The following RAD51B variants were observed in gnomAD, a reference collection of about 807,000 sequenced individuals.
RAD51B encodes the protein DNA repair protein RAD51 homolog 2.
A neutral mutation model predicts 42.2 loss-of-function variants in RAD51B; 38 were observed. The observed-to-expected ratio is 0.90, with a 90% CI of 0.70 to 1.18. The LOEUF (loss-of-function observed/expected upper bound fraction) is 1.18, where lower values mean the gene tolerates loss of function less well. Among genes scored for constraint, RAD51B ranks in the 50% most tolerant of loss-of-function variants. RAD51B has a pLI of 0.00. For synonymous variants in RAD51B, 154 were observed against 145.2 expected (o/e 1.06, Z -0.43); for missense variants, 373 against 400.7 (o/e 0.93, Z 0.59).
At chr14:68,225,158 G>A (rs2080011766) in intron 7 of RAD51B, among the ~76,000 whole-genome samples, 1 of 152,058 alleles carries the variant, frequency 6.6e-6, no homozygotes, top group African/African-American at 2.4e-5. Context: ...ACACTGTAGG[G>A]ACAATATATG....
chr14:68,380,636 A>C (rs2083460913), intron 8 of RAD51B, among the ~76,000 whole-genome samples: 1 of 152,118 alleles, frequency 6.6e-6, no homozygotes, highest in Non-Finnish European at 1.5e-5. Flanking sequence ...AAAACAGAAA[A>C]ATGCCAAGTC....
intron 10 of RAD51B, among the ~76,000 whole-genome samples, chr14:68,492,276 G>A (rs1242625864): frequency 3.9e-5 from 6 of 152,130 alleles, no homozygotes; most frequent in African/African-American, 1.4e-4. Context: ...AGTACTTATC[G>A]CTATACAAGG....
chr14:68,651,230 G>GGAGC (rs1233263178), intron 11 of RAD51B, among the ~76,000 whole-genome samples: 1 of 152,174 alleles, frequency 6.6e-6, no homozygotes, highest in Non-Finnish European at 1.5e-5. Context: ...GGAGTGCAAT[G>GGAGC]GAGCAATCAT....
intron 10 of RAD51B, among the ~76,000 whole-genome samples, chr14:68,610,273 G>A (rs1051129431): frequency 3.3e-5 from 5 of 152,076 alleles, no homozygotes; most frequent in South Asian, 2.1e-4. Flanking sequence ...GTCAGCCTCC[G>A]GATGCCTGAA....
At chr14:68,530,452 A>G (rs1381490940) in intron 10 of RAD51B, among the ~76,000 whole-genome samples, 62 of 144,658 alleles carry the variant, frequency 4.3e-4, no homozygotes, top group African/African-American at 1.6e-3. Context: ...GTCTCAAAAA[A>G]AAAAAAAAAA....
intron 7 of RAD51B, among the ~76,000 whole-genome samples, chr14:68,235,992 AGAGCTAAACATT>A (rs922312572): frequency 2.1e-4 from 32 of 152,174 alleles, no homozygotes; most frequent in African/African-American, 7.5e-4. Context: ...CTTATAAGTG[AGAGCTAAACATT>A]GAGCTAAACA....
intron 10 of RAD51B, among the ~76,000 whole-genome samples, chr14:68,534,784 T>G (rs114918154): frequency 2.0e-5 from 3 of 151,888 alleles, no homozygotes; most frequent in African/African-American, 7.3e-5. Context: ...AGGGTAGAGA[T>G]CTTTGCCTAT....
intron 10 of RAD51B, among the ~76,000 whole-genome samples, chr14:68,602,356 C>T (rs1259067702): frequency 6.6e-6 from 1 of 152,082 alleles, no homozygotes; most frequent in Admixed American, 6.5e-5. Flanking sequence ...AGCTGACCTC[C>T]CTCACCCACT....
chr14:68,509,717 G>C (rs1424946902), intron 10 of RAD51B, among the ~76,000 whole-genome samples: 2 of 152,246 alleles, frequency 1.3e-5, no homozygotes, highest in African/African-American at 4.8e-5. Context: ...TTACTGTAAA[G>C]GGGCAGATAG....
rs1210885039 is a variant in RAD51B, at chr14:68,515,781, T to TC, written c.1036+47531_1036+47532insC. On this transcript the variant is annotated intron_variant, in intron 10 of 10. Transcript: ENST00000487270. ...CTTTCTTTCTTTCTTTTCTTTTCTT[T>TC]TTTTTTTTTTTTTTGAGACAGAGTC... 3.0e-5 allele frequency among the ~76,000 whole-genome samples: 4 copies of TC among 131,648 alleles called. No individual in the cohort carries two copies. In the South Asian group the frequency reaches 6.8e-4, roughly 22 times the overall value. The allele number at this position is 131,648 out of a possible 152,430, so 86.4% of individuals were successfully genotyped here.
At chr14:68,583,284 G>A (rs571640356) in intron 10 of RAD51B, among the ~76,000 whole-genome samples, 3 of 152,148 alleles carry the variant, frequency 2.0e-5, no homozygotes, top group Admixed American at 6.5e-5. Context: ...CTGCCAGGAG[G>A]GGGTGACACT....
chr14:68,220,522 A>T (rs2079903877), intron 7 of RAD51B, among the ~76,000 whole-genome samples: 1 of 152,192 alleles, frequency 6.6e-6, no homozygotes, highest in Admixed American at 6.5e-5. Context: ...CTGAACAGGG[A>T]TAAGTTGAAA....
intron 10 of RAD51B, among the ~76,000 whole-genome samples, chr14:68,538,718 C>A (rs1446378319): frequency 6.6e-6 from 1 of 151,184 alleles, no homozygotes; most frequent in Non-Finnish European, 1.5e-5. Flanking sequence ...TTTCTGATTT[C>A]TCTTTTTTAA....
At chr14:68,109,881 GCAA>G (rs1333720586) in intron 7 of RAD51B, among the ~76,000 whole-genome samples, 1 of 151,858 alleles carries the variant, frequency 6.6e-6, no homozygotes, top group African/African-American at 2.4e-5. Flanking sequence ...GTCAATGCCT[GCAA>G]AATCTTTGGC....
At chr14:68,209,301 C>G (rs1235920344) in intron 7 of RAD51B, among the ~76,000 whole-genome samples, 1 of 152,168 alleles carries the variant, frequency 6.6e-6, no homozygotes, top group Non-Finnish European at 1.5e-5. Context: ...AGGCACCATG[C>G]TAAGTATCCT....
chr14:68,543,039 C>CT (rs1202724115), intron 10 of RAD51B, among the ~76,000 whole-genome samples: 2 of 152,188 alleles, frequency 1.3e-5, no homozygotes, highest in African/African-American at 4.8e-5. Context: ...GTCTGATTCC[C>CT]TTAGAGCAGA....
Position 67,959,688 on chromosome 14 carries a change from A to G in RAD51B, c.756+72484A>G, listed in dbSNP as rs150213355. On this transcript the variant is annotated intron_variant, in intron 7 of 10. Transcript: ENST00000471583. ...TTTACCATGCTGTCTTCTTTCTAGC[A>G]TATCTATATTTTGACAATGAAAATG... Among the ~76,000 whole-genome samples, 952 of 152,340 alleles carry G rather than the reference A, an allele frequency of 6.2e-3. 35 individuals are homozygous for G. The highest frequency in any genetic ancestry group is 0.055 in the Admixed American group (836 of 15,296).
intron 7 of RAD51B, among the ~76,000 whole-genome samples, chr14:67,971,021 A>G (rs1306610766): frequency 6.6e-5 from 10 of 152,206 alleles, no homozygotes. Flanking sequence ...CATAAAAGCT[A>G]TTAAAGATTA....
intron 7 of RAD51B, among the ~76,000 whole-genome samples, chr14:67,968,904 T>C (rs2074839489): frequency 6.6e-6 from 1 of 152,184 alleles, no homozygotes; most frequent in South Asian, 2.1e-4. Flanking sequence ...GATAAAGACA[T>C]ACCTGAGACT....
Sources: gnomAD v4.1 joint callset for allele counts (sites outside exome capture counted in the v4.1 genomes callset) on GRCh38, gnomAD v4.1.1 for gene constraint, MANE v1.5 for transcripts, NCBI Gene and HGNC (gene_info 2026-07-23, HGNC 2026-07-21) for gene names.